The following EDIL3 variants were observed in gnomAD, a reference collection of about 807,000 sequenced individuals.
EDIL3 encodes the protein EGF like and discoidin domains 3, also known as EGF-like repeat and discoidin I-like domain-containing protein 3.
Under a neutral mutation model 67.4 loss-of-function variants are expected in EDIL3, and 37 were observed. That is an observed-to-expected ratio of 0.55 (90% CI 0.42 to 0.72). The LOEUF (loss-of-function observed/expected upper bound fraction) is 0.72, where lower values mean the gene tolerates loss of function less well. Among genes scored for constraint, EDIL3 ranks in the 30% least tolerant of loss-of-function variants. EDIL3 has a pLI of 0.00. For synonymous variants in EDIL3, 195 were observed against 196.3 expected (o/e 0.99, Z 0.05); for missense variants, 527 against 586.3 (o/e 0.90, Z 1.04).
At chr5:84,048,352 T>A (rs941382993) in intron 9 of EDIL3, 1 of 315,710 alleles carries the variant, frequency 3.2e-6, no homozygotes, top group African/African-American at 2.3e-5. Context: ...ATACTCCCTT[T>A]TAAAAATCTG....
intron 9 of EDIL3, among the ~76,000 whole-genome samples, chr5:83,984,821 C>T (rs956048741): frequency 5.9e-5 from 9 of 152,146 alleles, no homozygotes; most frequent in East Asian, 1.9e-4. Context: ...TCACACTCAG[C>T]TCTGCCTAGG....
chr5:84,324,840 G>C (rs1309301083), intron 1 of EDIL3, among the ~76,000 whole-genome samples: 1 of 151,460 alleles, frequency 6.6e-6, no homozygotes, highest in Non-Finnish European at 1.5e-5. Context: ...CAAAAGCACT[G>C]TCATCACTAA....
chr5:84,264,632 G>A (rs932458994), intron 1 of EDIL3, among the ~76,000 whole-genome samples: 2 of 152,074 alleles, frequency 1.3e-5, no homozygotes, highest in South Asian at 4.1e-4. Flanking sequence ...TGAACTTTAC[G>A]CTTTTAGATA....
At chr5:84,245,502 T>TTTATGGATACCATA (rs1478391755) in intron 2 of EDIL3, among the ~76,000 whole-genome samples, 1 of 152,126 alleles carries the variant, frequency 6.6e-6, no homozygotes, top group Non-Finnish European at 1.5e-5. Context: ...GATACCATAG[T>TTTATGGATACCATA]TTATGGTGCA....
intron 6 of EDIL3, among the ~76,000 whole-genome samples, chr5:84,092,410 G>A (rs1747182911): frequency 6.6e-6 from 1 of 152,176 alleles, no homozygotes; most frequent in South Asian, 2.1e-4. Context: ...TGTATAGCAA[G>A]TATATTTAAA....
chr5:84,173,533 C>T (rs1031100766), intron 4 of EDIL3, among the ~76,000 whole-genome samples: 1 of 152,126 alleles, frequency 6.6e-6, no homozygotes, highest in Admixed American at 6.5e-5. Flanking sequence ...GACGACCCCA[C>T]TGTAGAATTG....
chr5:84,105,692 G>A (rs933009531), intron 6 of EDIL3, among the ~76,000 whole-genome samples: 4 of 151,840 alleles, frequency 2.6e-5, no homozygotes, highest in African/African-American at 9.7e-5. Context: ...CAGCAAACTC[G>A]TACAATGAAT....
At chr5:84,367,075 C>T (rs889954282) in intron 1 of EDIL3, among the ~76,000 whole-genome samples, 4 of 152,120 alleles carry the variant, frequency 2.6e-5, no homozygotes, top group African/African-American at 9.7e-5. Flanking sequence ...TGAAAAGATG[C>T]AAATTATATC....
At chr5:84,116,884 A>G (rs1033283810) in intron 5 of EDIL3, among the ~76,000 whole-genome samples, 1 of 152,222 alleles carries the variant, frequency 6.6e-6, no homozygotes, top group Non-Finnish European at 1.5e-5. Flanking sequence ...AGAGATTCAT[A>G]CTGGATGTGT....
intron 9 of EDIL3, among the ~76,000 whole-genome samples, chr5:84,035,895 G>C (rs1433513261): frequency 6.6e-6 from 1 of 152,054 alleles, no homozygotes; most frequent in South Asian, 2.1e-4. Context: ...TTTATTTCTT[G>C]TTTATAGCTC....
In EDIL3 at chr5:84,076,994, C is replaced by T. The variant is rs147211047; in HGVS notation, c.652-10388G>A. ...AAACCCCTTTTCATCACACAGAATA[C>T]TATAGACTTAAAAAGGATTGACATT... On this transcript the variant is annotated intron_variant, in intron 6 of 10. Transcript: ENST00000296591. 2.0e-5 allele frequency among the ~76,000 whole-genome samples: 3 copies of T among 152,010 alleles called. No homozygotes were observed. In the East Asian group the frequency reaches 5.8e-4, roughly 29 times the overall value.
rs531565546 is a variant in EDIL3 at position 84,053,360 on chromosome 5, A to T, written c.1137+6940T>A. On this transcript the variant is annotated intron_variant, in intron 9 of 10. Coordinates refer to ENST00000296591, the MANE Select transcript of EDIL3 (RefSeq NM_005711.5). ...AAATGCCCACAAGAGAAAGCAGGAA[A>T]GATCTAAAATTGACACCCTAACATC... Among the ~76,000 whole-genome samples the T allele has an allele frequency of 2.0e-5, 3 of 152,354 alleles. No homozygotes were observed. In the South Asian group the frequency reaches 6.2e-4, roughly 32 times the overall value.
intron 2 of EDIL3, among the ~76,000 whole-genome samples, chr5:84,252,446 A>G (rs2112073987): frequency 7.4e-6 from 1 of 134,440 alleles, no homozygotes. Flanking sequence ...GCGAGCTGAG[A>G]TCGTGCCAGT....
At chr5:84,070,343 T>C (rs1746715145) in intron 6 of EDIL3, among the ~76,000 whole-genome samples, 1 of 152,080 alleles carries the variant, frequency 6.6e-6, no homozygotes, top group African/African-American at 2.4e-5. Flanking sequence ...ACATGCCCGG[T>C]GGGGCTTCAG....
intron 1 of EDIL3, among the ~76,000 whole-genome samples, chr5:84,363,129 A>G (rs1464530422): frequency 6.6e-6 from 1 of 152,112 alleles, no homozygotes; most frequent in African/African-American, 2.4e-5. Context: ...TACAGTTCCT[A>G]GAGGGAAAAT....
chr5:84,056,633 C>T (rs1746452705), intron 9 of EDIL3, among the ~76,000 whole-genome samples: 2 of 151,734 alleles, frequency 1.3e-5, no homozygotes, highest in Admixed American at 6.6e-5. Context: ...TTAGAAAAAC[C>T]TATTAAACAG....
rs143680541 is a variant in EDIL3, at chr5:84,272,682, A to C, written c.68-18470T>G. Among the ~76,000 whole-genome samples, 377 of 152,334 alleles carry C rather than the reference A, an allele frequency of 2.5e-3. 1 individual carries two copies. Among genetic ancestry groups the C allele is most frequent in the African/African-American group, 8.4e-3 (351 of 41,578 alleles). ...AATGGTATAATTCAACACCAGGCTT[A>C]CCGAGCTATCTGATATTCTATGCTA... On this transcript the variant is annotated intron_variant, in intron 1 of 10. Coordinates refer to ENST00000296591, the MANE Select transcript of EDIL3 (RefSeq NM_005711.5).
chr5:84,147,031 A>C (rs1191983717), intron 4 of EDIL3, among the ~76,000 whole-genome samples: 2 of 152,030 alleles, frequency 1.3e-5, no homozygotes. Flanking sequence ...ACCCTCCCCT[A>C]CACCCACATA....
chr5:84,264,127 T>A (rs1162944998), intron 1 of EDIL3, among the ~76,000 whole-genome samples: 4 of 152,066 alleles, frequency 2.6e-5, no homozygotes, highest in Non-Finnish European at 5.9e-5. Flanking sequence ...GCATCTGTAG[T>A]CCCAGCTACT....
Sources: allele counts gnomAD v4.1 joint callset (sites outside exome capture counted in the v4.1 genomes callset), GRCh38; gene constraint gnomAD v4.1.1; transcripts MANE v1.5; gene names NCBI Gene and HGNC (gene_info 2026-07-23, HGNC 2026-07-21).